TNFRSF19: variants seen among roughly 807,000 people sequenced by gnomAD.
TNFRSF19 encodes the protein TNF receptor superfamily member 19, also known as tumor necrosis factor receptor superfamily member 19.
TNFRSF19 carries 27 observed loss-of-function variants against 46.4 expected under a neutral mutation model. The observed-to-expected ratio is 0.58, with a 90% CI of 0.43 to 0.80. The LOEUF (loss-of-function observed/expected upper bound fraction) is 0.80, where lower values mean the gene tolerates loss of function less well. Among genes scored for constraint, TNFRSF19 ranks in the 30% least tolerant of loss-of-function variants. The pLI is 0.00. For synonymous variants in TNFRSF19, 204 were observed against 205.0 expected (o/e 1.00, Z 0.04); for missense variants, 511 against 530.8 (o/e 0.96, Z 0.37).
At chr13:23,629,633 C>G (rs1309211256) in intron 5 of TNFRSF19, among the ~76,000 whole-genome samples, 3 of 152,330 alleles carry the variant, frequency 2.0e-5, no homozygotes, top group Non-Finnish European at 4.4e-5. Flanking sequence ...GCGCTTTGTA[C>G]TGATGGTGTA....
intron 5 of TNFRSF19, among the ~76,000 whole-genome samples, chr13:23,638,242 AAACACTGTAGGT>A (rs1281716214): frequency 1.1e-5 from 1 of 91,514 alleles, no homozygotes; most frequent in Non-Finnish European, 2.9e-5. Flanking sequence ...TGTTTGTGAG[AAACACTGTAGGT>A]AATCTGCTGC....
At chr13:23,649,368 A>G (rs146198408) in intron 5 of TNFRSF19, among the ~76,000 whole-genome samples, 2 of 152,182 alleles carry the variant, frequency 1.3e-5, no homozygotes, top group East Asian at 1.9e-4. Flanking sequence ...TGTTTATAGT[A>G]TTGTCTTATA....
intron 9 of TNFRSF19, 24 bp downstream of exon 9, chr13:23,669,121 GTGA>G (rs1951708936): frequency 6.2e-7 from 1 of 1,608,886 alleles, no homozygotes; most frequent in African/African-American, 1.3e-5. Flanking sequence ...TGGGTTCCCT[GTGA>G]ACACAGCACT....
At chr13:23,600,682 G>A (rs910860360) in intron 3 of TNFRSF19, among the ~76,000 whole-genome samples, 1 of 152,110 alleles carries the variant, frequency 6.6e-6, no homozygotes, top group Non-Finnish European at 1.5e-5. Context: ...GAGCCTAACT[G>A]ACCTGGGGAA....
Position 23,651,825 on chromosome 13 carries a change from C to T in TNFRSF19, c.446-7225C>T, listed in dbSNP as rs546178332. Among the ~76,000 whole-genome samples the T allele has an allele frequency of 3.8e-5, 5 of 131,972 alleles. No individual in the cohort carries two copies. The East Asian group carries it at 1.1e-3, about 29-fold the overall frequency. The allele number at this position is 131,972 out of a possible 152,430, so 86.6% of individuals were successfully genotyped here. A position where few individuals can be genotyped will look rare whatever the true frequency, so the allele number is the denominator to read the frequency against. The stretch of plus-strand genomic sequence containing the variant: ...TCTATACAGAATCTGAACCAGTAAT[C>T]CTTCACACTATAGTCTTTTTTTTTT... On this transcript the variant is annotated intron_variant, in intron 5 of 9. Transcript: ENST00000248484.
At chr13:23,630,186 C>A (rs769445615) in intron 5 of TNFRSF19, among the ~76,000 whole-genome samples, 34 of 150,680 alleles carry the variant, frequency 2.3e-4, no homozygotes, top group Non-Finnish European at 4.0e-4. Flanking sequence ...GCCTTTGATT[C>A]TAGCTACTTG....
At chr13:23,666,038 C>G (rs1951626748) in intron 7 of TNFRSF19, among the ~76,000 whole-genome samples, 1 of 152,132 alleles carries the variant, frequency 6.6e-6, no homozygotes, top group Admixed American at 6.5e-5. Flanking sequence ...GATGCTTCCT[C>G]AGGATTAGAT....
chr13:23,609,510 A>G (rs1391476826), intron 3 of TNFRSF19, among the ~76,000 whole-genome samples: 1 of 152,192 alleles, frequency 6.6e-6, no homozygotes, highest in Non-Finnish European at 1.5e-5. Flanking sequence ...ATTAATGCCA[A>G]CAGTGTGCTT....
At chr13:23,614,812 T>C (rs1039161710) in intron 3 of TNFRSF19, among the ~76,000 whole-genome samples, 1 of 149,478 alleles carries the variant, frequency 6.7e-6, no homozygotes, top group Non-Finnish European at 1.5e-5. Context: ...GAAGCCTGAC[T>C]CTGGAATTAG....
Position 23,658,990 on chromosome 13 carries a change from G to C in TNFRSF19, c.446-60G>C, listed in dbSNP as rs142696523. ...ACTGGTAAGGGTGCCTGCCAGCTTC[G>C]CCATAAACACTGCATCTGCAGTTGT... On this transcript the variant is annotated intron_variant, in intron 5 of 9. Transcript: ENST00000248484. 1,237 of 1,607,132 alleles carry C rather than the reference G, an allele frequency of 7.7e-4. 11 individuals carry two copies. The South Asian group carries it at 9.8e-3, about 13-fold the overall frequency.
intron 2 of TNFRSF19, among the ~76,000 whole-genome samples, chr13:23,592,250 C>T (rs1879362078): frequency 6.6e-6 from 1 of 152,112 alleles, no homozygotes; most frequent in South Asian, 2.1e-4. Flanking sequence ...CCCAGTTCCT[C>T]CTAAGATTTT....
Position 23,665,155 on chromosome 13 carries a change from G to A in TNFRSF19, c.737-2825G>A, listed in dbSNP as rs1441688485. The stretch of plus-strand genomic sequence containing the variant: ...CTTAGACACTATTAATGGTAACTGT[G>A]TGATCCTTAAACACCCCCAAGCATT... On this transcript the variant is annotated intron_variant, in intron 7 of 9. Coordinates refer to ENST00000248484, the MANE Select transcript of TNFRSF19 (RefSeq NM_148957.4). 5.3e-5 allele frequency among the ~76,000 whole-genome samples: 8 copies of A among 152,192 alleles called. No individual in the cohort carries two copies. The East Asian group carries it at 1.4e-3, about 26-fold the overall frequency.
intron 5 of TNFRSF19, among the ~76,000 whole-genome samples, chr13:23,641,105 A>G (rs549923242): frequency 6.6e-6 from 1 of 152,318 alleles, no homozygotes; most frequent in African/African-American, 2.4e-5. Context: ...AATTACACTC[A>G]ATTATGGTAC....
At chr13:23,657,550 A>T (rs1884060661) in intron 5 of TNFRSF19, among the ~76,000 whole-genome samples, 1 of 152,224 alleles carries the variant, frequency 6.6e-6, no homozygotes, top group Non-Finnish European at 1.5e-5. Flanking sequence ...ACCACACCGG[A>T]TTTTAAAATT....
At chr13:23,595,157 C>T (rs532863943) in intron 3 of TNFRSF19, among the ~76,000 whole-genome samples, 3 of 152,246 alleles carry the variant, frequency 2.0e-5, no homozygotes, top group South Asian at 4.2e-4. Context: ...GAGGAAAAAC[C>T]AGTGCAAAAA....
intron 5 of TNFRSF19, among the ~76,000 whole-genome samples, chr13:23,653,049 A>G (rs1883745860): frequency 6.6e-6 from 1 of 152,198 alleles, no homozygotes; most frequent in African/African-American, 2.4e-5. Flanking sequence ...TCAGCCTGGG[A>G]AAGCAGCTCT....
chr13:23,634,974 T>C (rs1031025172), intron 5 of TNFRSF19, among the ~76,000 whole-genome samples: 3 of 152,162 alleles, frequency 2.0e-5, no homozygotes, highest in African/African-American at 7.2e-5. Context: ...CAAGTATTTC[T>C]TGCATTCCGA....
In TNFRSF19 at chr13:23,626,755, G is replaced by A. The variant is rs756483878; in HGVS notation, c.408G>A (p.Val136=). The A allele has an allele frequency of 7.4e-6, 12 of 1,614,072 alleles. No homozygotes were observed. Among genetic ancestry groups the A allele is most frequent in the Middle Eastern group, 3.3e-4 (2 of 6,084 alleles). Residue 136 remains valine, a synonymous_variant, in exon 5 of 10, where the codon GTG becomes GTA. Coordinates refer to ENST00000248484, the MANE Select transcript of TNFRSF19 (RefSeq NM_148957.4). ...TCGGCTTTCAAGACATGGAGTGTGTGCCTTGTGGAGACCCTCCTCCTCCTT... is the reference window on the plus strand; with the variant it reads ...TCGGCTTTCAAGACATGGAGTGTGTACCTTGTGGAGACCCTCCTCCTCCTT... ...KLVGFQDMEC[V]PCGDPPPPYE...
chr13:23,615,158 A>G (rs1214104810), intron 3 of TNFRSF19, among the ~76,000 whole-genome samples: 1 of 152,202 alleles, frequency 6.6e-6, no homozygotes, highest in South Asian at 2.1e-4. Flanking sequence ...ATGATATGCT[A>G]TAGTTTACTG....
Sources: allele counts gnomAD v4.1 joint callset (sites outside exome capture counted in the v4.1 genomes callset), GRCh38; gene constraint gnomAD v4.1.1; transcripts MANE v1.5; gene names NCBI Gene and HGNC (gene_info 2026-07-23, HGNC 2026-07-21).